Variants in SCFD2 observed in about 807,000 individuals in gnomAD.
The protein encoded by SCFD2 is sec1 family domain containing 2.
A neutral mutation model predicts 58.9 loss-of-function variants in SCFD2; 54 were observed. The ratio of observed to expected loss-of-function variants is 0.92; its 90% confidence interval spans 0.74 to 1.15. The LOEUF is 1.15. SCFD2 is among the 50% of genes most tolerant of loss of function. The pLI, the probability that SCFD2 is intolerant of heterozygous loss-of-function variation, is 0.00. For synonymous variants in SCFD2, 321 were observed against 335.9 expected (o/e 0.96, Z 0.49); for missense variants, 805 against 836.6 (o/e 0.96, Z 0.47).
Position 53,366,048 on chromosome 4 carries a change from C to G in SCFD2, c.-107G>C. 1 of 1,320,536 alleles carries G rather than the reference C, an allele frequency of 7.6e-7. No individual in the cohort carries two copies. Among genetic ancestry groups the G allele is most frequent in the Non-Finnish European group, 1.0e-6 (1 of 976,408 alleles). 81.8% of individuals were successfully genotyped at this position (1,320,536 alleles called of 1,614,324 possible). A position where few individuals can be genotyped will look rare whatever the true frequency, so the allele number is the denominator to read the frequency against. On this transcript the variant is annotated 5_prime_UTR_variant, in exon 1 of 9. Coordinates refer to ENST00000401642, the MANE Select transcript of SCFD2 (RefSeq NM_152540.4). ...AGACTTTGACAGTCTCCACAGTACA[C>G]GTGGTCGGCCTCTGACACGCTCCCT...
intron 3 of SCFD2, among the ~76,000 whole-genome samples, chr4:53,277,446 T>A (rs1577923773): frequency 2.0e-5 from 3 of 152,240 alleles, no homozygotes; most frequent in Admixed American, 2.0e-4. Flanking sequence ...AGACAAACAT[T>A]CATTTAATGA....
chr4:53,263,602 A>C (rs2149057030), intron 4 of SCFD2, among the ~76,000 whole-genome samples: 1 of 152,318 alleles, frequency 6.6e-6, no homozygotes, highest in South Asian at 2.1e-4. Context: ...AATGTGATCC[A>C]TCTTCAGGTC....
At chr4:53,005,609 T>G (rs959290006) in intron 5 of SCFD2, among the ~76,000 whole-genome samples, 2 of 152,156 alleles carry the variant, frequency 1.3e-5, no homozygotes, top group Non-Finnish European at 2.9e-5. Flanking sequence ...GGAAAGATGA[T>G]TCATTTTCTT....
intron 2 of SCFD2, among the ~76,000 whole-genome samples, chr4:53,332,312 C>A (rs988265674): frequency 1.3e-5 from 2 of 151,608 alleles, no homozygotes; most frequent in African/African-American, 4.9e-5. Context: ...AATTTTAGAC[C>A]AATAGCCTTG....
intron 5 of SCFD2, among the ~76,000 whole-genome samples, chr4:53,130,506 T>A (rs1725757332): frequency 6.6e-6 from 1 of 152,190 alleles, no homozygotes; most frequent in African/African-American, 2.4e-5. Context: ...CAACTGTCAA[T>A]CTAAGTGGCA....
intron 2 of SCFD2, among the ~76,000 whole-genome samples, chr4:53,340,778 C>T (rs11947322): frequency 6.6e-6 from 1 of 152,162 alleles, no homozygotes; most frequent in Non-Finnish European, 1.5e-5. Flanking sequence ...GAGGAAAGAT[C>T]AGGCAGCAAC....
At chr4:53,066,104 A>G (rs1188881718) in intron 5 of SCFD2, among the ~76,000 whole-genome samples, 1 of 152,140 alleles carries the variant, frequency 6.6e-6, no homozygotes, top group African/African-American at 2.4e-5. Flanking sequence ...CGTGAAAATA[A>G]TCACAGATGA....
intron 5 of SCFD2, among the ~76,000 whole-genome samples, chr4:53,080,165 A>G (rs1724098337): frequency 1.3e-5 from 2 of 152,172 alleles, no homozygotes; most frequent in South Asian, 2.1e-4. Context: ...TTCTTAGTCT[A>G]AGAATGATGA....
intron 5 of SCFD2, among the ~76,000 whole-genome samples, chr4:53,026,384 G>A (rs947804540): frequency 3.9e-5 from 6 of 152,160 alleles, no homozygotes; most frequent in African/African-American, 1.4e-4. Flanking sequence ...CACAATGCCT[G>A]GTACATGGTT....
chr4:52,874,163 G>A (rs1235923510), intron 8 of SCFD2, 102 bp from the exon 9 acceptor site: 2 of 812,764 alleles, frequency 2.5e-6, no homozygotes, highest in Non-Finnish European at 4.2e-6. Flanking sequence ...TTTGGGGGAG[G>A]GCATGAAGTG....
chr4:52,884,746 A>C (rs1718695718), intron 8 of SCFD2, among the ~76,000 whole-genome samples: 1 of 152,084 alleles, frequency 6.6e-6, no homozygotes, highest in Admixed American at 6.5e-5. Flanking sequence ...TTCCAGAAGC[A>C]GGGGTTCTCC....
chr4:53,120,182 C>T (rs766799076), intron 5 of SCFD2, among the ~76,000 whole-genome samples: 5 of 152,120 alleles, frequency 3.3e-5, no homozygotes, highest in Admixed American at 6.5e-5. Context: ...GTCAATTATA[C>T]TTCAATAAAG....
intron 4 of SCFD2, among the ~76,000 whole-genome samples, chr4:53,187,755 TGAAAG>T (rs1727779764): frequency 1.3e-5 from 2 of 151,998 alleles, no homozygotes; most frequent in South Asian, 4.1e-4. Context: ...AAGAAAGATC[TGAAAG>T]GAAAGATATC....
At chr4:53,364,603 A>G (rs1734640589) in intron 1 of SCFD2, among the ~76,000 whole-genome samples, 1 of 152,250 alleles carries the variant, frequency 6.6e-6, no homozygotes, top group Non-Finnish European at 1.5e-5. Flanking sequence ...ATTTACTAGT[A>G]ACATTTAAGT....
At chr4:53,249,564 G>C (rs1014275124) in intron 4 of SCFD2, among the ~76,000 whole-genome samples, 3 of 152,186 alleles carry the variant, frequency 2.0e-5, no homozygotes, top group African/African-American at 7.2e-5. Flanking sequence ...AGAAAGGTCA[G>C]GTTACCCACA....
chr4:52,955,997 C>T, intron 5 of SCFD2: 1 of 454,110 alleles, frequency 2.2e-6, no homozygotes, highest in Non-Finnish European at 4.4e-6. Context: ...CTGTGGTCAG[C>T]AACACCATGG....
At chr4:53,153,366 A>G (rs75185353) in intron 4 of SCFD2, among the ~76,000 whole-genome samples, 19 of 152,298 alleles carry the variant, frequency 1.2e-4, no homozygotes, top group African/African-American at 3.4e-4. Flanking sequence ...AAACCTGCCA[A>G]GGTTTATGGA....
intron 3 of SCFD2, among the ~76,000 whole-genome samples, chr4:53,284,449 T>C (rs1731602756): frequency 6.6e-6 from 1 of 152,224 alleles, no homozygotes; most frequent in Non-Finnish European, 1.5e-5. Flanking sequence ...TTTTTTATTT[T>C]ATATATGTTG....
intron 3 of SCFD2, among the ~76,000 whole-genome samples, chr4:53,288,268 C>T (rs545414755): frequency 6.6e-6 from 1 of 151,940 alleles, no homozygotes; most frequent in Non-Finnish European, 1.5e-5. Context: ...TAGCATTAAC[C>T]ATATAAATAT....
Sources: allele counts gnomAD v4.1 joint callset (sites outside exome capture counted in the v4.1 genomes callset), GRCh38; gene constraint gnomAD v4.1.1; transcripts MANE v1.5; gene names NCBI Gene and HGNC (gene_info 2026-07-23, HGNC 2026-07-21).